The following AFAP1 variants were observed in gnomAD, a reference collection of about 807,000 sequenced individuals.
The protein encoded by AFAP1 is actin filament associated protein 1, also known as actin filament-associated protein 1.
In AFAP1, 75 loss-of-function variants were observed where a neutral mutation model predicts 93.9. The ratio of observed to expected loss-of-function variants is 0.80; its 90% CI spans 0.66 to 0.97. The LOEUF (loss-of-function observed/expected upper bound fraction) is 0.97, where lower values mean the gene tolerates loss of function less well. AFAP1 is among the 50% of genes least tolerant of loss of function. The pLI is 0.00. For missense variants in AFAP1, 1,201 were observed against 1,050.8 expected (o/e 1.14, Z -1.98); for synonymous variants, 517 against 430.7 (o/e 1.20, Z -2.48).
chr4:7,821,470 T>A (rs1194062143), intron 6 of AFAP1, among the ~76,000 whole-genome samples: 5 of 152,272 alleles, frequency 3.3e-5, no homozygotes, highest in South Asian at 4.1e-4. Context: ...GCCCCCTACA[T>A]GCAGTCACCA....
intron 3 of AFAP1, among the ~76,000 whole-genome samples, chr4:7,859,214 T>C (rs1271167834): frequency 1.3e-5 from 2 of 151,160 alleles, no homozygotes; most frequent in Non-Finnish European, 3.0e-5. Context: ...AGGTCAAGAG[T>C]TCAAGACCAG....
chr4:7,837,522 C>A (rs1005096609), intron 6 of AFAP1, among the ~76,000 whole-genome samples: 2 of 152,116 alleles, frequency 1.3e-5, no homozygotes, highest in Admixed American at 6.5e-5. Context: ...ACTCCAGAAC[C>A]GTGAGAAATA....
intron 1 of AFAP1, among the ~76,000 whole-genome samples, chr4:7,904,275 G>C (rs1719277244): frequency 6.6e-6 from 1 of 151,982 alleles, no homozygotes; most frequent in Non-Finnish European, 1.5e-5. Context: ...AGCGTTTAAA[G>C]AAACAAGCGG....
chr4:7,856,396 C>A lies in AFAP1; in HGVS notation c.226-822G>T, dbSNP rs532217736. 2.7e-3 allele frequency among the ~76,000 whole-genome samples: 409 copies of A among 152,208 alleles called. 2 individuals carry two copies. The highest frequency in any genetic ancestry group is 4.8e-3 in the Non-Finnish European group (325 of 68,008). On this transcript the variant is annotated intron_variant, in intron 3 of 17. Transcript: ENST00000420658. ...TAACTGGGACTACAGGCGCCCACCA[C>A]CACACCCGGCTAATTTTTGTATTTT...
At chr4:7,820,645 G>T (rs559263017) in intron 6 of AFAP1, among the ~76,000 whole-genome samples, 1 of 152,120 alleles carries the variant, frequency 6.6e-6, no homozygotes, top group Non-Finnish European at 1.5e-5. Flanking sequence ...TAAGGGAAGC[G>T]GAGAGACTAG....
In AFAP1 at chr4:7,843,196, C is replaced by T; in HGVS notation, c.489G>A (p.Lys163=). Residue 163 remains lysine, a synonymous_variant, in exon 5 of 18, where the codon AAG becomes AAA. Transcript: ENST00000420658. ...DAKICAFLLR[K]KRFGQWTKLL... ...ACTTGGTCCACTGGCCGAACCGCTT[C>T]TTCCGCAGCAGGAAGGCGCAGATTT... The T allele has an allele frequency of 3.7e-6, 6 of 1,614,230 alleles. No homozygotes were observed. The highest frequency in any genetic ancestry group is 5.1e-6 in the Non-Finnish European group (6 of 1,180,054).
intron 3 of AFAP1, among the ~76,000 whole-genome samples, chr4:7,864,164 C>CACCTTCCCAACTTCCCATCACAACA (rs1314891559): frequency 1.8e-4 from 28 of 151,892 alleles, no homozygotes; most frequent in South Asian, 4.2e-4. Context: ...CTCATCACAA[C>CACCTTCCCAACTTCCCATCACAACA]CCACAGGTCC....
At chr4:7,792,999 A>G (rs1192994339) in intron 11 of AFAP1, among the ~76,000 whole-genome samples, 2 of 152,224 alleles carry the variant, frequency 1.3e-5, no homozygotes, top group Non-Finnish European at 2.9e-5. Flanking sequence ...ATGTCTTAGT[A>G]TATTATGAAA....
At chr4:7,860,778 C>T (rs902027207) in intron 3 of AFAP1, among the ~76,000 whole-genome samples, 3 of 152,144 alleles carry the variant, frequency 2.0e-5, no homozygotes, top group African/African-American at 7.2e-5. Context: ...ACCAACAAAC[C>T]GAACAACCAA....
intron 4 of AFAP1, among the ~76,000 whole-genome samples, chr4:7,849,359 A>G (rs4358402): frequency 2.7e-5 from 4 of 149,674 alleles, no homozygotes; most frequent in Non-Finnish European, 1.5e-5. Context: ...TTTCACAATT[A>G]AAAAAAAAAC....
intron 11 of AFAP1, among the ~76,000 whole-genome samples, chr4:7,791,942 A>G (rs1717901335): frequency 6.6e-6 from 1 of 152,158 alleles, no homozygotes; most frequent in African/African-American, 2.4e-5. Context: ...ATGTCCAGCA[A>G]CGCCAATAAC....
At chr4:7,834,405 C>A (rs1269133935) in intron 6 of AFAP1, among the ~76,000 whole-genome samples, 1 of 152,188 alleles carries the variant, frequency 6.6e-6, no homozygotes, top group Non-Finnish European at 1.5e-5. Flanking sequence ...CAACTGGGTG[C>A]AGTGTATACT....
At chr4:7,836,408 C>A (rs1211249602) in intron 6 of AFAP1, among the ~76,000 whole-genome samples, 1 of 152,204 alleles carries the variant, frequency 6.6e-6, no homozygotes, top group Non-Finnish European at 1.5e-5. Context: ...CTAAGAAGAA[C>A]AGGGGTGGTG....
chr4:7,857,160 G>C (rs1386079843), intron 3 of AFAP1, among the ~76,000 whole-genome samples: 3 of 152,188 alleles, frequency 2.0e-5, no homozygotes, highest in Non-Finnish European at 4.4e-5. Context: ...GAATGGAACA[G>C]AGCAGAGGCC....
intron 1 of AFAP1, among the ~76,000 whole-genome samples, chr4:7,878,131 T>C (rs1002907785): frequency 2.6e-5 from 4 of 152,224 alleles, no homozygotes; most frequent in African/African-American, 7.2e-5. Context: ...AATACAAACA[T>C]GTCTTTCCCC....
At chr4:7,880,646 C>T (rs1452786521) in intron 1 of AFAP1, among the ~76,000 whole-genome samples, 1 of 152,174 alleles carries the variant, frequency 6.6e-6, no homozygotes, top group Non-Finnish European at 1.5e-5. Flanking sequence ...AGTCACAAAG[C>T]ATTGGTAAAG....
Position 7,766,567 on chromosome 4 carries a change from G to C in AFAP1, c.2418+2277C>G, listed in dbSNP as rs566881378. Reference sequence around the variant, plus strand: ...CTCCAGGTGACTGTGTCACGGGAGGGAAACAGAATCTCCAGGTGACTGTGT... The same window carrying C: ...CTCCAGGTGACTGTGTCACGGGAGGCAAACAGAATCTCCAGGTGACTGTGT... On this transcript the variant is annotated intron_variant, in intron 17 of 17. Transcript: ENST00000420658. Among the ~76,000 whole-genome samples the C allele has an allele frequency of 2.1e-4, 27 of 126,526 alleles. No individual in the cohort carries two copies. The South Asian group carries it at 7.5e-3, about 35-fold the overall frequency. The allele number at this position is 126,526 out of a possible 152,430, so 83.0% of individuals were successfully genotyped here. A position where few individuals can be genotyped will look rare whatever the true frequency, so the allele number is the denominator to read the frequency against.
At chr4:7,801,256 C>T (rs924576748) in intron 9 of AFAP1, among the ~76,000 whole-genome samples, 4 of 152,206 alleles carry the variant, frequency 2.6e-5, no homozygotes, top group East Asian at 3.9e-4. Flanking sequence ...ACGCACCTGC[C>T]GCCTTCCTGC....
intron 4 of AFAP1, among the ~76,000 whole-genome samples, chr4:7,850,702 G>A (rs1490912598): frequency 1.3e-5 from 2 of 152,250 alleles, no homozygotes; most frequent in Admixed American, 6.5e-5. Flanking sequence ...CCCTGCTGGT[G>A]TGGGGCAGCC....
Sources: gnomAD v4.1 joint callset for allele counts (sites outside exome capture counted in the v4.1 genomes callset) on GRCh38, gnomAD v4.1.1 for gene constraint, MANE v1.5 for transcripts, NCBI Gene and HGNC (gene_info 2026-07-23, HGNC 2026-07-21) for gene names.